The following KCNIP4 variants were observed in gnomAD, a reference collection of about 807,000 sequenced individuals.
The protein encoded by KCNIP4 is Kv channel-interacting protein 4.
KCNIP4 carries 12 observed loss-of-function variants against 34.0 expected under a neutral mutation model. The ratio of observed to expected loss-of-function variants is 0.35; its 90% confidence interval spans 0.23 to 0.57. The LOEUF (loss-of-function observed/expected upper bound fraction) is 0.57, where lower values mean the gene tolerates loss of function less well. KCNIP4 is among the 20% of genes least tolerant of loss of function. The pLI is 0.83. For synonymous variants in KCNIP4, 124 were observed against 102.2 expected (o/e 1.21, Z -1.29); for missense variants, 238 against 311.7 (o/e 0.76, Z 1.78).
intron 2 of KCNIP4, among the ~76,000 whole-genome samples, chr4:20,855,870 G>C (rs1380930650): frequency 1.3e-5 from 2 of 152,130 alleles, no homozygotes; most frequent in Non-Finnish European, 2.9e-5. Flanking sequence ...GGCTGACAAG[G>C]ATAAAATTGA....
At chr4:20,798,069 T>C (rs1713707672) in intron 3 of KCNIP4, among the ~76,000 whole-genome samples, 1 of 152,248 alleles carries the variant, frequency 6.6e-6, no homozygotes, top group Non-Finnish European at 1.5e-5. Context: ...ATTTCATTAA[T>C]TCATTTGTTC....
At chr4:21,826,582 C>A (rs1722691357) in intron 1 of KCNIP4, among the ~76,000 whole-genome samples, 1 of 151,818 alleles carries the variant, frequency 6.6e-6, no homozygotes, top group South Asian at 2.1e-4. Flanking sequence ...TTTAAACGGT[C>A]ACTGAAATAG....
chr4:21,623,325 A>T (rs1011272123), intron 1 of KCNIP4, among the ~76,000 whole-genome samples: 1 of 152,330 alleles, frequency 6.6e-6, no homozygotes. Context: ...ATTACTAAAC[A>T]TAAGATATGC....
At chr4:20,933,859 C>A (rs1730760973) in intron 1 of KCNIP4, among the ~76,000 whole-genome samples, 2 of 152,114 alleles carry the variant, frequency 1.3e-5, no homozygotes, top group Admixed American at 1.3e-4. Flanking sequence ...TTTTATCAAA[C>A]TTCCATGTAC....
intron 1 of KCNIP4, among the ~76,000 whole-genome samples, chr4:20,912,028 C>T (rs1017636296): frequency 2.6e-5 from 4 of 152,146 alleles, no homozygotes; most frequent in African/African-American, 9.7e-5. Context: ...TCTCTAATTT[C>T]GCCCCTTGTT....
chr4:21,008,532 G>GTTT lies in KCNIP4; in HGVS notation c.62-125826_62-125824dup, dbSNP rs33988781. On this transcript the variant is annotated intron_variant, in intron 1 of 8. Coordinates refer to ENST00000382152, the MANE Select transcript of KCNIP4 (RefSeq NM_025221.6). Reference sequence around the variant, plus strand: ...GCATTTTCTTTTTGTTTTTGTTTTTGTTTTTTTTTGAGACGGAGTCTCGCT... The same window carrying GTTT: ...GCATTTTCTTTTTGTTTTTGTTTTTGTTTTTTTTTTTTGAGACGGAGTCTCGCT... Among the ~76,000 whole-genome samples, 1,152 of 150,544 alleles carry GTTT rather than the reference G, an allele frequency of 7.7e-3. 16 individuals are homozygous for GTTT. The highest frequency in any genetic ancestry group is 0.025 in the African/African-American group (1,032 of 41,008).
At chr4:21,448,753 G>C (rs922875006) in intron 1 of KCNIP4, among the ~76,000 whole-genome samples, 2 of 152,098 alleles carry the variant, frequency 1.3e-5, no homozygotes, top group Non-Finnish European at 2.9e-5. Context: ...ACATATAGCT[G>C]AGGGATCCAC....
intron 1 of KCNIP4, among the ~76,000 whole-genome samples, chr4:21,528,403 T>C (rs757233824): frequency 6.6e-6 from 1 of 152,022 alleles, no homozygotes; most frequent in Non-Finnish European, 1.5e-5. Flanking sequence ...GCATGGTGGC[T>C]CATGCCTGTA....
chr4:21,173,506 G>A (rs1754170720), intron 1 of KCNIP4, among the ~76,000 whole-genome samples: 1 of 152,126 alleles, frequency 6.6e-6, no homozygotes, highest in African/African-American at 2.4e-5. Flanking sequence ...ATCACAAAAG[G>A]CCCAAGCAAA....
chr4:20,850,470 C>A (rs1467362597), intron 3 of KCNIP4, 73 bp downstream of exon 3: 6 of 1,492,004 alleles, frequency 4.0e-6, no homozygotes, highest in Non-Finnish European at 5.5e-6. Context: ...GGGATATTTT[C>A]CCCCTTTTCC....
chr4:21,189,732 A>G (rs1755492739), intron 1 of KCNIP4, among the ~76,000 whole-genome samples: 1 of 152,232 alleles, frequency 6.6e-6, no homozygotes, highest in South Asian at 2.1e-4. Context: ...GTGAAAAATT[A>G]TGACCATAGA....
intron 1 of KCNIP4, among the ~76,000 whole-genome samples, chr4:21,191,371 T>A: frequency 6.6e-6 from 1 of 152,350 alleles, no homozygotes; most frequent in African/African-American, 2.4e-5. Context: ...GGCTGGAAAG[T>A]ATTCATAAAT....
At chr4:21,652,458 A>T (rs747431273) in intron 1 of KCNIP4, among the ~76,000 whole-genome samples, 19 of 152,268 alleles carry the variant, frequency 1.2e-4, no homozygotes, top group Middle Eastern at 6.8e-3. Flanking sequence ...ACCCAAAGGA[A>T]TATTCTAGAA....
At chr4:21,215,396 A>G (rs558785858) in intron 1 of KCNIP4, among the ~76,000 whole-genome samples, 72 of 152,344 alleles carry the variant, frequency 4.7e-4, no homozygotes, top group African/African-American at 1.7e-3. Flanking sequence ...TAACTAAAAG[A>G]CATATTCATT....
Position 21,658,378 on chromosome 4 carries a change from AACATC to A in KCNIP4, c.61+290188_61+290192del, listed in dbSNP as rs568463285. Among the ~76,000 whole-genome samples the A allele has an allele frequency of 8.9e-4, 135 of 152,194 alleles. 1 individual carries two copies. In the South Asian group the frequency reaches 0.016, roughly 18 times the overall value. On this transcript the variant is annotated intron_variant, in intron 1 of 8. Coordinates refer to ENST00000382152, the MANE Select transcript of KCNIP4 (RefSeq NM_025221.6). ...TAATAAAGTTCCAGCCTGTGAAGAGAACATCACATCACATCACATCACATCACATA... is the reference window on the plus strand; with the variant it reads ...TAATAAAGTTCCAGCCTGTGAAGAGAACATCACATCACATCACATCACATA...
intron 3 of KCNIP4, among the ~76,000 whole-genome samples, chr4:20,802,187 ATATATATGC>A (rs71181585): frequency 1.7e-5 from 1 of 57,780 alleles, no homozygotes; most frequent in African/African-American, 4.9e-5. Context: ...TATATATGCT[ATATATATGC>A]TATATATATA....
intron 1 of KCNIP4, among the ~76,000 whole-genome samples, chr4:20,897,402 C>A (rs1175033673): frequency 6.6e-6 from 1 of 152,094 alleles, no homozygotes; most frequent in Non-Finnish European, 1.5e-5. Context: ...GTGAGGACTT[C>A]TCTCACAGGG....
intron 1 of KCNIP4, among the ~76,000 whole-genome samples, chr4:21,782,820 G>T (rs1719654759): frequency 6.6e-6 from 1 of 152,132 alleles, no homozygotes; most frequent in South Asian, 2.1e-4. Flanking sequence ...TCCCTGCCAT[G>T]AAATAAAATT....
At chr4:21,127,520 G>A (rs536274324) in intron 1 of KCNIP4, among the ~76,000 whole-genome samples, 225 of 152,024 alleles carry the variant, frequency 1.5e-3, no homozygotes, top group African/African-American at 5.1e-3. Flanking sequence ...CTGACTCTCC[G>A]CACTCTCCCC....
Sources: gnomAD v4.1 joint callset for allele counts (sites outside exome capture counted in the v4.1 genomes callset) on GRCh38, gnomAD v4.1.1 for gene constraint, MANE v1.5 for transcripts, NCBI Gene and HGNC (gene_info 2026-07-23, HGNC 2026-07-21) for gene names.